The following ARK2N variants were observed in gnomAD, a reference collection of about 807,000 sequenced individuals.
ARK2N encodes arkadia (RNF111) N-terminal like PKA signaling regulator 2N.
At chr18:46,229,496 TGCCACCACGCCC>T in the ARK2N span, among the ~76,000 whole-genome samples, 1 of 151,772 alleles carries the variant, frequency 6.6e-6, no homozygotes, top group South Asian at 2.1e-4. Flanking sequence ...TACAGGTGCC[TGCCACCACGCCC>T]GGCTAATTTT....
At chr18:46,203,091 AC>A in the ARK2N span, among the ~76,000 whole-genome samples, 4 of 152,344 alleles carry the variant, frequency 2.6e-5, no homozygotes, top group Admixed American at 2.6e-4. Flanking sequence ...GTAAAGCTGA[AC>A]ATAAGCATAT....
chr18:46,246,669 G>A, the ARK2N span, among the ~76,000 whole-genome samples: 1 of 23,528 alleles, frequency 4.3e-5, no homozygotes, highest in South Asian at 1.0e-3. Flanking sequence ...TAGGCTAGGC[G>A]CGGAGGCTCA....
the ARK2N span, among the ~76,000 whole-genome samples, chr18:46,221,195 G>C: frequency 2.0e-5 from 3 of 151,838 alleles, no homozygotes; most frequent in Non-Finnish European, 4.4e-5. Flanking sequence ...GAGTGTTCAT[G>C]CATTGTATTC....
the ARK2N span, among the ~76,000 whole-genome samples, chr18:46,259,035 T>C: frequency 6.6e-6 from 1 of 152,174 alleles, no homozygotes; most frequent in Non-Finnish European, 1.5e-5. Context: ...AAAAATGTGT[T>C]AAAAGCCTTG....
chr18:46,190,313 G>T, the ARK2N span, among the ~76,000 whole-genome samples: 1 of 151,868 alleles, frequency 6.6e-6, no homozygotes, highest in Non-Finnish European at 1.5e-5. Context: ...TGAAGTCGGG[G>T]ATTCAAGACC....
At chr18:46,198,743 C>T in the ARK2N span, among the ~76,000 whole-genome samples, 18 of 152,082 alleles carry the variant, frequency 1.2e-4, no homozygotes, top group African/African-American at 3.4e-4. Context: ...GGACTACAGG[C>T]GTGCACCATC....
chr18:46,178,628 G>A, the ARK2N span, among the ~76,000 whole-genome samples: 4 of 151,936 alleles, frequency 2.6e-5, no homozygotes, highest in Non-Finnish European at 5.9e-5. Flanking sequence ...ACTTTTTAAA[G>A]ATTTTTCTGG....
At chr18:46,253,372 G>T in the ARK2N span, among the ~76,000 whole-genome samples, 4 of 152,080 alleles carry the variant, frequency 2.6e-5, no homozygotes, top group Non-Finnish European at 4.4e-5. Context: ...TATAGAGTTT[G>T]TTATGGTTTA....
At chr18:46,226,446 C>T in the ARK2N span, among the ~76,000 whole-genome samples, 1 of 152,150 alleles carries the variant, frequency 6.6e-6, no homozygotes, top group Non-Finnish European at 1.5e-5. Context: ...AAAATGGTCA[C>T]TATATCAAGG....
the ARK2N span, among the ~76,000 whole-genome samples, chr18:46,194,749 C>T: frequency 7.6e-3 from 1,140 of 150,818 alleles, 11 homozygotes; most frequent in South Asian, 0.024. Context: ...GCTGGGATTA[C>T]AGGTGTGAGC....
the ARK2N span, among the ~76,000 whole-genome samples, chr18:46,197,370 G>T: frequency 6.6e-6 from 1 of 151,990 alleles, no homozygotes; most frequent in Non-Finnish European, 1.5e-5. Flanking sequence ...TAGTAGCTGG[G>T]ATTACAGGTG....
the ARK2N span, among the ~76,000 whole-genome samples, chr18:46,211,999 T>G: frequency 5.3e-5 from 8 of 152,224 alleles, no homozygotes; most frequent in Admixed American, 3.9e-4. Flanking sequence ...AAGATTAATC[T>G]TTATGTATGA....
chr18:46,187,817 C>T, the ARK2N span, among the ~76,000 whole-genome samples: 8 of 152,114 alleles, frequency 5.3e-5, no homozygotes, highest in Non-Finnish European at 8.8e-5. Context: ...ATAAACATAA[C>T]ATGGTTTAAT....
chr18:46,250,491 T>TACACAC, the ARK2N span, among the ~76,000 whole-genome samples: 925 of 129,754 alleles, frequency 7.1e-3, 12 homozygotes, highest in African/African-American at 0.024. Flanking sequence ...CCTCCATTCG[T>TACACAC]ACACACACAC....
At chr18:46,223,445 C>G in the ARK2N span, among the ~76,000 whole-genome samples, 13 of 152,194 alleles carry the variant, frequency 8.5e-5, no homozygotes, top group African/African-American at 3.1e-4. Flanking sequence ...GTTTGTCTCA[C>G]AGCCTTTTAG....
chr18:46,199,647 C>CT, the ARK2N span, among the ~76,000 whole-genome samples: 1 of 152,044 alleles, frequency 6.6e-6, no homozygotes, highest in Non-Finnish European at 1.5e-5. Flanking sequence ...AGAGAGATTA[C>CT]TGTAGGAGAT....
the ARK2N span, among the ~76,000 whole-genome samples, chr18:46,205,648 C>T: frequency 6.6e-6 from 1 of 152,174 alleles, no homozygotes; most frequent in Non-Finnish European, 1.5e-5. Flanking sequence ...TGTATTTAGC[C>T]ATCATCTGTC....
the ARK2N span, among the ~76,000 whole-genome samples, chr18:46,249,294 A>G: frequency 2.6e-5 from 4 of 152,002 alleles, no homozygotes; most frequent in African/African-American, 4.8e-5. Context: ...CAGCGGCGCC[A>G]TCTCAGCTCA....
At chr18:46,213,717 G>A in the ARK2N span, among the ~76,000 whole-genome samples, 1 of 151,882 alleles carries the variant, frequency 6.6e-6, no homozygotes, top group African/African-American at 2.4e-5. Context: ...ATTTTTTTGA[G>A]ATGGAGTCTT....
Sources: allele counts gnomAD v4.1 joint callset (sites outside exome capture counted in the v4.1 genomes callset), GRCh38; gene constraint gnomAD v4.1.1; transcripts MANE v1.5; gene names NCBI Gene and HGNC (gene_info 2026-07-23, HGNC 2026-07-21).